CPT1B: variants seen among roughly 807,000 people sequenced by gnomAD.
The protein encoded by CPT1B is carnitine palmitoyltransferase 1B.
A neutral mutation model predicts 92.7 loss-of-function variants in CPT1B; 57 were observed. The observed-to-expected ratio is 0.62, with a 90% CI of 0.50 to 0.77. The LOEUF (loss-of-function observed/expected upper bound fraction) is 0.77. CPT1B is among the 30% of genes least tolerant of loss of function. The probability of loss-of-function intolerance (pLI) is 0.00; values close to 1 mark genes in which losing one functional copy is unlikely to be tolerated. For missense variants in CPT1B, 983 were observed against 1,017.4 expected (o/e 0.97, Z 0.46); for synonymous variants, 398 against 383.5 (o/e 1.04, Z -0.44).
At chr22:50,574,790 C>T in intron 7 of CPT1B, 190 bp from the exon 8 acceptor site, 1 of 586,060 alleles carries the variant, frequency 1.7e-6, no homozygotes, top group Non-Finnish European at 3.1e-6. Context: ...GCTCCAGCTT[C>T]AGCCTGAGCT....
Position 50,576,887 on chromosome 22 carries a change from G to C in CPT1B, c.429C>G (p.Gly143=), listed in dbSNP as rs1358514860. 1 of 1,614,038 alleles carries C rather than the reference G, an allele frequency of 6.2e-7. No individual in the cohort carries two copies. The highest frequency in any genetic ancestry group is 8.5e-7 in the Non-Finnish European group (1 of 1,180,012). The change falls in exon 4 of 20, where the codon GGC becomes GGG. Residue 143 remains glycine (G), a synonymous_variant. Transcript: ENST00000312108. ...CYHGWMFEMH[G]KTSNLTRIWA... is the part of the protein sequence containing the mutation. ...AGATCCTGGTCAAGTTGCTGGTCTT[G>C]CCATGCATCTCAAACATCCACCCAT... is the stretch of plus-strand genomic sequence containing the variant.
Position 50,576,289 on chromosome 22 carries a change from C to A in CPT1B, c.608G>T (p.Arg203Leu), listed in dbSNP as rs776687266. The change falls in exon 6 of 20, where the codon CGC becomes CTC. Residue 203 changes from arginine (R) to leucine (L), a missense_variant. Transcript: ENST00000312108. ...GAATTCTTTGGCCAGCAACTCCATG[C>A]GGTAATATTCCTCATCATCCAACAA... ...RPLLDDEEYY[R>L]MELLAKEFQD... 1.2e-6 allele frequency: 2 copies of A among 1,614,060 alleles called. No individual in the cohort carries two copies. Among genetic ancestry groups the A allele is most frequent in the African/African-American group, 1.3e-5 (1 of 75,004 alleles).
At chr22:50,575,759 C>T (rs946121028) in intron 7 of CPT1B, among the ~76,000 whole-genome samples, 2 of 152,178 alleles carry the variant, frequency 1.3e-5, no homozygotes, top group Admixed American at 6.5e-5. Context: ...TGACAGAGCC[C>T]GAGCTGGGCA....
In CPT1B at chr22:50,573,433, G is replaced by C; in HGVS notation, c.1166+87C>G. On this transcript the variant is annotated intron_variant, in intron 10 of 19. Coordinates refer to ENST00000312108, the MANE Select transcript of CPT1B (RefSeq NM_152246.3). This position sits in a 1 kb window ranked among gnomAD's most constrained non-coding sequence, Gnocchi z 5.0. The stretch of plus-strand genomic sequence containing the variant: ...CCCCTAGTTGTGCCTCCAGCCTCCA[G>C]TTCCAGGGTGGCAGGCAGGGCCACG... 1 of 1,239,186 alleles carries C rather than the reference G, an allele frequency of 8.1e-7. No homozygotes were observed. The highest frequency in any genetic ancestry group is 1.1e-6 in the Non-Finnish European group (1 of 891,224). The allele number at this position is 1,239,186 out of a possible 1,614,324, so 76.8% of individuals were successfully genotyped here.
intron 4 of CPT1B, 98 bp downstream of exon 4, chr22:50,576,759 C>T: frequency 6.5e-7 from 1 of 1,546,746 alleles, no homozygotes; most frequent in Non-Finnish European, 8.9e-7. Context: ...CACCAGGCAC[C>T]AGTGCCCTGT....
At chr22:50,570,675 G>A (rs1295860302) in intron 16 of CPT1B, among the ~76,000 whole-genome samples, 3 of 152,180 alleles carry the variant, frequency 2.0e-5, no homozygotes, top group Non-Finnish European at 4.4e-5. Context: ...TCTGTTCCCT[G>A]TCACAAGGAC....
At position 50,573,232 on chromosome 22, in the gene CPT1B, G is replaced by C. The variant is rs991232645; in HGVS notation, c.1167-172C>G. 4 of 633,474 alleles carry C rather than the reference G, an allele frequency of 6.3e-6. No homozygotes were observed. In the African/African-American group the frequency reaches 7.4e-5, roughly 12 times the overall value. 39.2% of individuals were successfully genotyped at this position (633,474 alleles called of 1,614,324 possible). A position where few individuals can be genotyped will look rare whatever the true frequency, so the allele number is the denominator to read the frequency against. On this transcript the variant is annotated intron_variant, in intron 10 of 19. Coordinates refer to ENST00000312108, the MANE Select transcript of CPT1B (RefSeq NM_152246.3). This position sits in a 1 kb window ranked among gnomAD's most constrained non-coding sequence, Gnocchi z 5.0. Reference sequence around the variant, plus strand: ...TGCCAGGCTGGGCCTGGAGGTGTTGGGGTGCGTGCCAGGCTGCGCCTGGAG... The same window carrying C: ...TGCCAGGCTGGGCCTGGAGGTGTTGCGGTGCGTGCCAGGCTGCGCCTGGAG...
chr22:50,576,942 C>A lies in CPT1B; in HGVS notation c.374G>T (p.Arg125Leu). 2 of 1,614,070 alleles carry A rather than the reference C, an allele frequency of 1.2e-6. No homozygotes were observed. Among genetic ancestry groups the A allele is most frequent in the Non-Finnish European group, 1.7e-6 (2 of 1,180,012 alleles). ...GVWVTGIFFFRQTLKLLLCYH... is the reference protein window; with the variant it reads ...GVWVTGIFFFLQTLKLLLCYH... ...GCAGAGAAGCAGCTTCAGGGTTTGGCGGAAGAAGAAGATGCCCGTCACCCA... is the reference window on the plus strand; with the variant it reads ...GCAGAGAAGCAGCTTCAGGGTTTGGAGGAAGAAGAAGATGCCCGTCACCCA... The change falls in exon 4 of 20, where the codon CGC (arginine) becomes CTC (leucine). Residue 125 changes from arginine to leucine, a missense_variant. By Grantham distance (102) the Arg-to-Leu change is moderately radical (BLOSUM62 -2). Coordinates refer to ENST00000312108, the MANE Select transcript of CPT1B (RefSeq NM_152246.3).
rs2070163118 is a variant in CPT1B at position 50,571,379 on chromosome 22, A to C, written c.1736T>G (p.Phe579Cys). 1 of 1,613,696 alleles carries C rather than the reference A, an allele frequency of 6.2e-7. No individual in the cohort carries two copies. The highest frequency in any genetic ancestry group is 1.7e-5 in the Admixed American group (1 of 60,006). ...FVQIALQLAH[F>C]RDRGKFCLTY... Reference sequence around the variant, plus strand: ...AGCGGGAGGCGGGGCTCCTACCCGGAAGTGAGCCAGCTGCAGCGCGATCTG... The same window carrying C: ...AGCGGGAGGCGGGGCTCCTACCCGGCAGTGAGCCAGCTGCAGCGCGATCTG... Residue 579 changes from phenylalanine to cysteine, a missense_variant, in exon 14 of 20, where the codon TTC becomes TGC. Physicochemically the swap from Phe to Cys is radical, Grantham distance 205 (BLOSUM62 -2). Coordinates refer to ENST00000312108, the MANE Select transcript of CPT1B (RefSeq NM_152246.3).
In CPT1B at chr22:50,572,283, T is replaced by G. The variant is rs762754961; in HGVS notation, c.1378A>C (p.Ile460Leu). The change falls in exon 12 of 20, where the codon ATT becomes CTT. Residue 460 changes from isoleucine to leucine, a missense_variant. Coordinates refer to ENST00000312108, the MANE Select transcript of CPT1B (RefSeq NM_152246.3). ...CCCAACTGGCCATTCTTGAAGGAAATGAGAGTGAAGGATTTGTCAAACCAC... is the reference window on the plus strand; with the variant it reads ...CCCAACTGGCCATTCTTGAAGGAAAGGAGAGTGAAGGATTTGTCAAACCAC... The part of the protein sequence containing the change: ...NRWFDKSFTL[I>L]SFKNGQLGLN... The G allele has an allele frequency of 5.6e-6, 9 of 1,613,650 alleles. No individual in the cohort carries two copies. In the South Asian group the frequency reaches 9.9e-5, roughly 18 times the overall value.
At chr22:50,570,790 G>A (rs2070127868) in intron 16 of CPT1B, 101 bp downstream of exon 16, 14 of 1,496,530 alleles carry the variant, frequency 9.4e-6, no homozygotes, top group Non-Finnish European at 1.2e-5. Context: ...AGCTTCAGGG[G>A]AGCAAGCCAG....
chr22:50,570,535 C>T (rs2070114942), intron 16 of CPT1B, 129 bp from the exon 17 acceptor site: 5 of 720,204 alleles, frequency 6.9e-6, no homozygotes, highest in South Asian at 4.0e-5. Flanking sequence ...GCCACCACCC[C>T]GTGGTCCCCT....
In CPT1B at chr22:50,577,945, G is replaced by A. The variant is rs761263790; in HGVS notation, c.-19-11C>T. 3.1e-6 allele frequency: 5 copies of A among 1,593,542 alleles called. No individual in the cohort carries two copies. Among genetic ancestry groups the A allele is most frequent in the Non-Finnish European group, 4.3e-6 (5 of 1,166,916 alleles). On this transcript the variant is annotated splice_polypyrimidine_tract_variant and intron_variant, in intron 1 of 19. Coordinates refer to ENST00000312108, the MANE Select transcript of CPT1B (RefSeq NM_152246.3). ...GGGGTTGGTCGGCACCTAGGACGGGGGCAGATGGGTGCGCGGGCGCGCTTA... is the reference window on the plus strand; with the variant it reads ...GGGGTTGGTCGGCACCTAGGACGGGAGCAGATGGGTGCGCGGGCGCGCTTA...
intron 3 of CPT1B, 89 bp downstream of exon 3, chr22:50,577,235 T>A (rs1276337954): frequency 6.5e-7 from 1 of 1,549,440 alleles, no homozygotes; most frequent in African/African-American, 1.4e-5. Flanking sequence ...GCTGCTGTCC[T>A]GTATCTGCCC....
At chr22:50,574,881 C>T in intron 7 of CPT1B, 1 of 397,076 alleles carries the variant, frequency 2.5e-6, no homozygotes, top group South Asian at 3.2e-5. Flanking sequence ...TGGCTCACTG[C>T]AGCCTCAAAT....
chr22:50,576,570 A>C lies in CPT1B; in HGVS notation c.527T>G (p.Leu176Arg), dbSNP rs1369074518. ...LYSFQTSLPK[L>R]PVPRVSATIQ... Reference sequence around the variant, plus strand: ...TGTGGCTGACACCCTGGGCACAGGAAGCTTGGGCAGAGATGTCTGGAAGCT... The same window carrying C: ...TGTGGCTGACACCCTGGGCACAGGACGCTTGGGCAGAGATGTCTGGAAGCT... Residue 176 changes from leucine to arginine, a missense_variant, in exon 5 of 20, where the codon CTT (leucine) becomes CGT (arginine). Coordinates refer to ENST00000312108, the MANE Select transcript of CPT1B (RefSeq NM_152246.3). The C allele has an allele frequency of 6.2e-7, 1 of 1,607,740 alleles. No individual in the cohort carries two copies. The highest frequency in any genetic ancestry group is 8.5e-7 in the Non-Finnish European group (1 of 1,177,214).
intron 8 of CPT1B, 22 bp from the exon 9 acceptor site, chr22:50,574,441 C>A (rs753246779): frequency 3.1e-6 from 5 of 1,613,922 alleles, no homozygotes; most frequent in Non-Finnish European, 4.2e-6. Context: ...CCCAGCATGG[C>A]TCAGACTCAG....
rs912093129 is a variant in CPT1B, at chr22:50,577,923, G to T, written c.-8C>A. The T allele has an allele frequency of 2.5e-6, 4 of 1,606,012 alleles. No homozygotes were observed. The highest frequency in any genetic ancestry group is 2.7e-5 in the African/African-American group (2 of 74,828). On this transcript the variant is annotated 5_prime_UTR_variant, in exon 2 of 20. Transcript: ENST00000312108. ...CTGGTGAGCTTCCGCCATCCTGGGG[G>T]TTGGTCGGCACCTAGGACGGGGGCA...
At chr22:50,577,143 C>T (rs73445514) in intron 3 of CPT1B, 109 bp from the exon 4 acceptor site, 77,128 of 1,412,016 alleles carry the variant, frequency 0.055, 7,979 homozygotes, top group African/African-American at 0.44. Context: ...TGGGCACACT[C>T]ATGTCTGACT....
Sources: allele counts gnomAD v4.1 joint callset (sites outside exome capture counted in the v4.1 genomes callset), GRCh38; gene constraint gnomAD v4.1.1; non-coding constraint Gnocchi (gnomAD v3.1); transcripts MANE v1.5; gene names NCBI Gene and HGNC (gene_info 2026-07-23, HGNC 2026-07-21).